The following TUSC3 variants were observed in gnomAD, a reference collection of about 807,000 sequenced individuals.
TUSC3 encodes the protein dolichyl-diphosphooligosaccharide--protein glycosyltransferase subunit TUSC3.
TUSC3 carries 45 observed loss-of-function variants against 44.8 expected under a neutral mutation model. That is an observed-to-expected ratio of 1.00 (90% confidence interval 0.79 to 1.29). The LOEUF is 1.29. Ranked by LOEUF, TUSC3 falls within the 50% of genes most tolerant of loss-of-function variation. The probability of loss-of-function intolerance (pLI) is 0.00; values close to 1 mark genes in which losing one functional copy is unlikely to be tolerated. For missense variants in TUSC3, 519 were observed against 437.9 expected, an observed-to-expected ratio of 1.19 and a Z score of -1.65; for synonymous variants, 212 against 152.9, an observed-to-expected ratio of 1.39 and a Z score of -2.85.
chr8:15,787,684 T>C, the TUSC3 span, among the ~76,000 whole-genome samples: 1 of 152,200 alleles, frequency 6.6e-6, no homozygotes, highest in Non-Finnish European at 1.5e-5. Context: ...CAAATCTTAA[T>C]ATGCAACAAA....
the TUSC3 span, among the ~76,000 whole-genome samples, chr8:15,803,903 TATTCC>T: frequency 1.3e-5 from 2 of 152,220 alleles, no homozygotes; most frequent in Non-Finnish European, 2.9e-5. Flanking sequence ...GTCTGCATAG[TATTCC>T]ATGGTGTATA....
chr8:15,665,156 T>A (rs1426896251), intron 5 of TUSC3, among the ~76,000 whole-genome samples: 1 of 151,578 alleles, frequency 6.6e-6, no homozygotes, highest in African/African-American at 2.4e-5. Flanking sequence ...GTCATCTGAC[T>A]TACACAAACT....
chr8:15,598,637 T>C (rs1192385086), intron 1 of TUSC3, among the ~76,000 whole-genome samples: 4 of 151,956 alleles, frequency 2.6e-5, no homozygotes, highest in Non-Finnish European at 4.4e-5. Flanking sequence ...CACTGATCTT[T>C]TTACTGTCTT....
intron 2 of TUSC3, among the ~76,000 whole-genome samples, chr8:15,525,973 CAGTG>C (rs1801368296): frequency 6.6e-6 from 1 of 151,868 alleles, no homozygotes; most frequent in South Asian, 2.1e-4. Flanking sequence ...TGTAGGGAGA[CAGTG>C]AGGGTTTTCA....
the TUSC3 span, among the ~76,000 whole-genome samples, chr8:15,787,382 C>T: frequency 6.6e-6 from 1 of 152,064 alleles, no homozygotes; most frequent in Non-Finnish European, 1.5e-5. Flanking sequence ...CAATGAAAAT[C>T]CAAAGTACAT....
At chr8:15,850,242 T>C in the TUSC3 span, among the ~76,000 whole-genome samples, 3 of 152,270 alleles carry the variant, frequency 2.0e-5, no homozygotes, top group East Asian at 1.9e-4. Flanking sequence ...CTTAGTATTA[T>C]GTAACATTAG....
chr8:15,817,587 T>A, the TUSC3 span, among the ~76,000 whole-genome samples: 70,174 of 151,870 alleles, frequency 0.46, 18,664 homozygotes, highest in Non-Finnish European at 0.61. Flanking sequence ...GATGGTTTTA[T>A]AAGGTGGTTT....
chr8:15,839,085 G>T, the TUSC3 span, among the ~76,000 whole-genome samples: 1 of 152,108 alleles, frequency 6.6e-6, no homozygotes, highest in Non-Finnish European at 1.5e-5. Flanking sequence ...TCCCTTGTAA[G>T]TTGGATTCCT....
chr8:15,666,820 T>A (rs746116263), intron 5 of TUSC3, among the ~76,000 whole-genome samples: 1 of 151,472 alleles, frequency 6.6e-6, no homozygotes, highest in Non-Finnish European at 1.5e-5. Flanking sequence ...TGGAGTTAGT[T>A]ATGGTTTTTG....
chr8:15,558,792 A>G (rs201790322), intron 1 of TUSC3, among the ~76,000 whole-genome samples: 85,677 of 134,004 alleles, frequency 0.64, 27,834 homozygotes, highest in Non-Finnish European at 0.66. Context: ...GTTTATTTGC[A>G]TAGAGGTGTT....
At chr8:15,848,527 C>A in the TUSC3 span, among the ~76,000 whole-genome samples, 126 of 152,290 alleles carry the variant, frequency 8.3e-4, 1 homozygote, top group Middle Eastern at 6.8e-3. Context: ...TCCCAGGCAG[C>A]TTTCTTGAGC....
At chr8:15,803,675 A>G in the TUSC3 span, among the ~76,000 whole-genome samples, 5 of 152,132 alleles carry the variant, frequency 3.3e-5, no homozygotes, top group African/African-American at 4.8e-5. Context: ...TAAGCCCTGC[A>G]TGCATTAGGT....
At chr8:15,555,840 C>T (rs1802240718) in intron 1 of TUSC3, among the ~76,000 whole-genome samples, 2 of 151,326 alleles carry the variant, frequency 1.3e-5, no homozygotes, top group Non-Finnish European at 3.0e-5. Context: ...CTTACGGACT[C>T]TTTCAGCTGT....
chr8:15,597,564 AAT>A (rs1804122808), intron 1 of TUSC3, among the ~76,000 whole-genome samples: 2 of 152,232 alleles, frequency 1.3e-5, no homozygotes, highest in African/African-American at 4.8e-5. Context: ...AAGCCTATAA[AAT>A]ATGAATAACA....
chr8:15,774,549 A>G, the TUSC3 span, among the ~76,000 whole-genome samples: 7 of 152,286 alleles, frequency 4.6e-5, no homozygotes, highest in East Asian at 1.2e-3. Flanking sequence ...TGACTTTGCC[A>G]AGACCTTGAT....
At chr8:15,796,002 T>C in the TUSC3 span, among the ~76,000 whole-genome samples, 2 of 152,252 alleles carry the variant, frequency 1.3e-5, no homozygotes, top group African/African-American at 4.8e-5. Context: ...TAGTGTAGGC[T>C]TCCAAGAATG....
At chr8:15,830,577 C>A in the TUSC3 span, among the ~76,000 whole-genome samples, 2 of 152,074 alleles carry the variant, frequency 1.3e-5, no homozygotes, top group African/African-American at 4.8e-5. Flanking sequence ...ACTATGCAGC[C>A]ATAGAAAAGA....
intron 1 of TUSC3, among the ~76,000 whole-genome samples, chr8:15,582,616 C>G (rs1013739670): frequency 7.9e-5 from 12 of 152,172 alleles, no homozygotes; most frequent in African/African-American, 2.9e-4. Flanking sequence ...TCTTGGCACA[C>G]CCAGCTAAAA....
intron 1 of TUSC3, among the ~76,000 whole-genome samples, chr8:15,569,103 GT>G (rs1802776555): frequency 6.6e-6 from 1 of 152,034 alleles, no homozygotes; most frequent in South Asian, 2.1e-4. Flanking sequence ...ATCAGTAACA[GT>G]TTCCTTTATT....
Sources: gnomAD v4.1 joint callset for allele counts (sites outside exome capture counted in the v4.1 genomes callset) on GRCh38, gnomAD v4.1.1 for gene constraint, MANE v1.5 for transcripts, NCBI Gene and HGNC (gene_info 2026-07-23, HGNC 2026-07-21) for gene names.